The following FILIP1 variants were observed in gnomAD, a reference collection of about 807,000 sequenced individuals.
The protein encoded by FILIP1 is filamin A interacting protein 1, also known as filamin-A-interacting protein 1.
In FILIP1, 61 loss-of-function variants were observed where a neutral mutation model predicts 102.1. That is an observed-to-expected ratio of 0.60 (90% CI 0.49 to 0.74). The LOEUF (loss-of-function observed/expected upper bound fraction) is 0.74. FILIP1 is among the 30% of genes least tolerant of loss of function. The pLI is 0.00. For missense variants in FILIP1, 1,314 were observed against 1,441.2 expected (o/e 0.91, Z 1.43); for synonymous variants, 491 against 526.9 (o/e 0.93, Z 0.93).
chr6:75,407,835 T>C (rs1776927661), intron 2 of FILIP1, among the ~76,000 whole-genome samples: 2 of 152,222 alleles, frequency 1.3e-5, no homozygotes, highest in South Asian at 2.1e-4. Context: ...GAATTTATTA[T>C]ATAAAATGGC....
intron 2 of FILIP1, among the ~76,000 whole-genome samples, chr6:75,368,005 A>C (rs1220488541): frequency 1.3e-5 from 2 of 152,214 alleles, no homozygotes. Flanking sequence ...TGACCCAGAG[A>C]AGAATGCTTT....
chr6:75,453,599 C>T (rs1778713799), intron 1 of FILIP1, among the ~76,000 whole-genome samples: 1 of 152,046 alleles, frequency 6.6e-6, no homozygotes. Context: ...TTGCTTGAGA[C>T]CAGAAGTTTG....
At position 75,493,439 on chromosome 6, in the gene FILIP1, G is replaced by A. The variant is rs919944360; in HGVS notation, c.-32C>T. The A allele has an allele frequency of 6.6e-6, 1 of 152,150 alleles. No homozygotes were observed. Among genetic ancestry groups the A allele is most frequent in the Admixed American group, 6.5e-5 (1 of 15,276 alleles). The allele number at this position is 152,150 out of a possible 1,614,324, so 9.4% of individuals were successfully genotyped here. A position where few individuals can be genotyped will look rare whatever the true frequency, so the allele number is the denominator to read the frequency against. On this transcript the variant is annotated 5_prime_UTR_variant, in exon 1 of 6. Transcript: ENST00000237172. ...CTGACGGCAGCTCCTTTAACCAAAG[G>A]TATGTCCTCTATGTAGGTAGTTTAT...
intron 4 of FILIP1, among the ~76,000 whole-genome samples, chr6:75,317,698 G>A (rs577282995): frequency 3.9e-5 from 6 of 152,106 alleles, no homozygotes; most frequent in Admixed American, 2.0e-4. Context: ...GATTATTTCT[G>A]TTTTTCTAAC....
At chr6:75,293,059 C>T (rs1056656171) in exon 7 of FILIP1, 1 of 152,060 alleles carries the variant, frequency 6.6e-6, no homozygotes, top group Non-Finnish European at 1.5e-5. Context: ...TCATCAAACT[C>T]GAATATTTTA....
chr6:75,316,786 C>A (rs1156763768), intron 4 of FILIP1, among the ~76,000 whole-genome samples: 1 of 152,140 alleles, frequency 6.6e-6, no homozygotes, highest in East Asian at 1.9e-4. Context: ...AATACTGTAA[C>A]AGCATCACTA....
chr6:75,463,707 T>A (rs1462124772), intron 1 of FILIP1, among the ~76,000 whole-genome samples: 1 of 152,220 alleles, frequency 6.6e-6, no homozygotes, highest in East Asian at 1.9e-4. Flanking sequence ...GCCATGAAGT[T>A]AAACCACAAC....
intron 1 of FILIP1, among the ~76,000 whole-genome samples, chr6:75,447,978 T>A (rs553519449): frequency 2.6e-5 from 4 of 152,104 alleles, no homozygotes; most frequent in African/African-American, 4.8e-5. Flanking sequence ...TAAAAAAAAA[T>A]AAAAATAATT....
intron 1 of FILIP1, among the ~76,000 whole-genome samples, chr6:75,432,972 C>T (rs1441080800): frequency 6.6e-6 from 1 of 152,152 alleles, no homozygotes; most frequent in Non-Finnish European, 1.5e-5. Flanking sequence ...ATGATGGTTT[C>T]CAGCTTCATC....
At chr6:75,352,675 A>G (rs113493745) in intron 4 of FILIP1, among the ~76,000 whole-genome samples, 1,694 of 152,090 alleles carry the variant, frequency 0.011, 37 homozygotes, top group African/African-American at 0.039. Flanking sequence ...CCAAATACTA[A>G]TATTTTCTAC....
intron 2 of FILIP1, among the ~76,000 whole-genome samples, chr6:75,400,159 C>G (rs1445413963): frequency 6.6e-6 from 1 of 152,166 alleles, no homozygotes; most frequent in African/African-American, 2.4e-5. Context: ...GACCTGTTTC[C>G]TGTTTCCTTG....
rs1777192697 is a variant in FILIP1, at chr6:75,414,736, G to C, written c.237C>G (p.Asp79Glu). The change falls in exon 2 of 6, where the codon GAC (aspartate) becomes GAG (glutamate). Residue 79 changes from aspartate (D) to glutamate (E), a missense_variant. By Grantham distance (45) the Asp-to-Glu change is conservative. This residue lies in a region of FILIP1 where 494 missense variants were observed against 511.2 expected (regional missense o/e 0.97). Coordinates refer to ENST00000237172, the MANE Select transcript of FILIP1 (RefSeq NM_015687.5). ...CCATTATACTGAGTAGTTGGATGAG[G>C]TCTTCTTTGGATAACTCCAGGGATT... ...TKKSLELSKE[D>E]LIQLLSIMEG... is the part of the protein sequence containing the mutation. 1 of 1,613,768 alleles carries C rather than the reference G, an allele frequency of 6.2e-7. No individual in the cohort carries two copies.
intron 4 of FILIP1, among the ~76,000 whole-genome samples, chr6:75,340,305 C>T (rs1774377756): frequency 6.6e-6 from 1 of 151,902 alleles, no homozygotes; most frequent in South Asian, 2.1e-4. Context: ...TGACGCAAAC[C>T]ACAACTGTTA....
At chr6:75,354,282 A>T (rs531517916) in intron 3 of FILIP1, among the ~76,000 whole-genome samples, 13 of 152,350 alleles carry the variant, frequency 8.5e-5, no homozygotes, top group African/African-American at 3.1e-4. Context: ...TAGTATTTTT[A>T]AAACTTTTAG....
chr6:75,425,230 A>G (rs2149700804), intron 1 of FILIP1, among the ~76,000 whole-genome samples: 2 of 152,214 alleles, frequency 1.3e-5, no homozygotes, highest in East Asian at 3.8e-4. Context: ...AAAGATGTTT[A>G]TCACTCTGAA....
intron 1 of FILIP1, among the ~76,000 whole-genome samples, chr6:75,479,850 C>T (rs1265730005): frequency 2.9e-5 from 3 of 103,152 alleles, no homozygotes; most frequent in Non-Finnish European, 5.3e-5. Flanking sequence ...GCCTGGGCCA[C>T]AGAGTAAAGC....
chr6:75,488,443 GA>G lies in FILIP1; in HGVS notation c.-7+4970del, dbSNP rs199851121. 3.6e-3 allele frequency among the ~76,000 whole-genome samples: 486 copies of G among 135,830 alleles called. 2 individuals are homozygous for G. The highest frequency in any genetic ancestry group is 8.0e-3 in the Middle Eastern group (2 of 250). 89.1% of individuals were successfully genotyped at this position (135,830 alleles called of 152,430 possible). A position where few individuals can be genotyped will look rare whatever the true frequency, so the allele number is the denominator to read the frequency against. On this transcript the variant is annotated intron_variant, in intron 1 of 5. Transcript: ENST00000237172. ...GCTAAAACATAGACTGACCATTTAA[GA>G]AAAAAAAAAAAACATAATCCAATAT...
At chr6:75,350,024 C>T (rs976652944) in intron 4 of FILIP1, among the ~76,000 whole-genome samples, 9 of 152,000 alleles carry the variant, frequency 5.9e-5, no homozygotes, top group African/African-American at 2.2e-4. Flanking sequence ...GCCCCGGGAA[C>T]TCGGCAAGCA....
At chr6:75,491,966 C>A (rs35985089) in intron 1 of FILIP1, among the ~76,000 whole-genome samples, 1 of 152,080 alleles carries the variant, frequency 6.6e-6, no homozygotes, top group Non-Finnish European at 1.5e-5. Flanking sequence ...AACAATGTGA[C>A]CCTTCTTAGG....
Sources: allele counts gnomAD v4.1 joint callset (sites outside exome capture counted in the v4.1 genomes callset), GRCh38; gene constraint gnomAD v4.1.1; regional missense constraint gnomAD v4.1.1; transcripts MANE v1.5; gene names NCBI Gene and HGNC (gene_info 2026-07-23, HGNC 2026-07-21).